The following C16orf95 variants were observed in gnomAD, a reference collection of about 807,000 sequenced individuals.
C16orf95 encodes the protein chromosome 16 open reading frame 95, also known as uncharacterized protein C16orf95.
A neutral mutation model predicts 32.1 loss-of-function variants in C16orf95; 41 were observed. The ratio of observed to expected loss-of-function variants is 1.28; its 90% confidence interval spans 1.00 to 1.66. The LOEUF (loss-of-function observed/expected upper bound fraction) is 1.66. Among genes scored for constraint, C16orf95 ranks in the 40% most tolerant of loss-of-function variants. The probability of loss-of-function intolerance (pLI) is 0.00; values close to 1 mark genes in which losing one functional copy is unlikely to be tolerated. For missense variants in C16orf95, 399 were observed against 325.9 expected (o/e 1.22, Z -1.73); for synonymous variants, 147 against 128.9 (o/e 1.14, Z -0.95).
At chr16:87,309,372 C>CTTTTTTTCTTTTTTTTTTTTTTT (rs1911172995) in intron 5 of C16orf95, among the ~76,000 whole-genome samples, 1 of 86,074 alleles carries the variant, frequency 1.2e-5, no homozygotes, top group African/African-American at 5.9e-5. Flanking sequence ...TCTTTCTTTT[C>CTTTTTTTCTTTTTTTTTTTTTTT]TTTTTTTTTT....
At chr16:87,311,355 A>T in intron 3 of C16orf95, 59 bp from the exon 4 acceptor site, 1 of 1,445,206 alleles carries the variant, frequency 6.9e-7, no homozygotes, top group Non-Finnish European at 9.2e-7. Flanking sequence ...CCTGTCCCCA[A>T]TGACTCCCTG....
Position 87,317,074 on chromosome 16 carries a change from A to C in C16orf95, c.152+17T>G, listed in dbSNP as rs1173508421. 6.6e-7 allele frequency: 1 copy of C among 1,507,162 alleles called. No homozygotes were observed. Among genetic ancestry groups the C allele is most frequent in the South Asian group, 1.2e-5 (1 of 80,524 alleles). 93.4% of individuals were successfully genotyped at this position (1,507,162 alleles called of 1,614,324 possible). On this transcript the variant is annotated intron_variant, in intron 1 of 6. Coordinates refer to ENST00000567970, the MANE Select transcript of C16orf95 (RefSeq NM_001195124.3). ...GAGGTGTCGGGTAGCCGCGGGCAGG[A>C]TTCAGGACTCACTTGCCTGCCATCC...
chr16:87,308,526 A>T (rs1309645513), intron 5 of C16orf95, among the ~76,000 whole-genome samples: 1 of 151,308 alleles, frequency 6.6e-6, no homozygotes, highest in Non-Finnish European at 1.5e-5. Flanking sequence ...AAATAAGCAG[A>T]TGTTACCATT....
At chr16:87,310,642 G>A (rs540581773) in intron 4 of C16orf95, among the ~76,000 whole-genome samples, 10 of 152,316 alleles carry the variant, frequency 6.6e-5, no homozygotes, top group South Asian at 2.1e-4. Context: ...CAGAACTAGC[G>A]CTGTGGAGGC....
At chr16:87,314,703 CTG>C (rs988405581) in intron 3 of C16orf95, among the ~76,000 whole-genome samples, 1 of 152,148 alleles carries the variant, frequency 6.6e-6, no homozygotes, top group African/African-American at 2.4e-5. Flanking sequence ...TTAGAAAAAA[CTG>C]TTTAAAAATC....
chr16:87,315,215 A>G lies in C16orf95; in HGVS notation c.205-119T>C. ...GATGGTGTCCGGGGGCAGGGTCCCCAGCTCCTACTGCAGCTTGGAAAGAGG... is the reference window on the plus strand; with the variant it reads ...GATGGTGTCCGGGGGCAGGGTCCCCGGCTCCTACTGCAGCTTGGAAAGAGG... On this transcript the variant is annotated intron_variant, in intron 2 of 6. Coordinates refer to ENST00000567970, the MANE Select transcript of C16orf95 (RefSeq NM_001195124.3). The G allele has an allele frequency of 2.8e-6, 3 of 1,056,516 alleles. No individual in the cohort carries two copies. In the South Asian group the frequency reaches 5.0e-5, roughly 17 times the overall value. The allele number at this position is 1,056,516 out of a possible 1,614,324, so 65.4% of individuals were successfully genotyped here. A position where few individuals can be genotyped will look rare whatever the true frequency, so the allele number is the denominator to read the frequency against.
chr16:87,303,167 G>T, intron 6 of C16orf95, 92 bp from the exon 7 acceptor site: 11 of 1,262,650 alleles, frequency 8.7e-6, no homozygotes, highest in Non-Finnish European at 1.2e-5. Context: ...TCCATGAGCG[G>T]AAGGCAGAGG....
rs555502765 is a variant in C16orf95, at chr16:87,314,806, C to G, written c.330+165G>C. On this transcript the variant is annotated intron_variant, in intron 3 of 6. Coordinates refer to ENST00000567970, the MANE Select transcript of C16orf95 (RefSeq NM_001195124.3). Reference sequence around the variant, plus strand: ...CCCTCAGACCTTGCTACAACGACAGCACATTACCCATCTGACATGAAAATA... The same window carrying G: ...CCCTCAGACCTTGCTACAACGACAGGACATTACCCATCTGACATGAAAATA... Among the ~76,000 whole-genome samples, 13 of 152,310 alleles carry G rather than the reference C, an allele frequency of 8.5e-5. No individual in the cohort carries two copies. In the East Asian group the frequency reaches 2.5e-3, roughly 29 times the overall value.
rs1005010643 is a variant in C16orf95 at position 87,305,821 on chromosome 16, T to C, written c.599A>G (p.Gln200Arg). 1.3e-6 allele frequency: 2 copies of C among 1,496,010 alleles called. No individual in the cohort carries two copies. Among genetic ancestry groups the C allele is most frequent in the African/African-American group, 1.4e-5 (1 of 70,604 alleles). The allele number at this position is 1,496,010 out of a possible 1,614,324, so 92.7% of individuals were successfully genotyped here. A position where few individuals can be genotyped will look rare whatever the true frequency, so the allele number is the denominator to read the frequency against. ...CGGTAGCTGGTCCTGGTAGGGGGCCTGGAGCTGCTGGAACTTGGACAACAG... is the reference window on the plus strand; with the variant it reads ...CGGTAGCTGGTCCTGGTAGGGGGCCCGGAGCTGCTGGAACTTGGACAACAG... ...ECLLSKFQQLQAPYQDQLPAP... is the reference protein window; with the variant it reads ...ECLLSKFQQLRAPYQDQLPAP... The change falls in exon 6 of 7, where the codon CAG becomes CGG. Residue 200 changes from glutamine (Q) to arginine (R), a missense_variant. Gln to Arg is a conservative substitution (Grantham distance 43). Transcript: ENST00000567970. This position sits in a 1 kb window ranked among gnomAD's most constrained non-coding sequence, Gnocchi z 4.2.
chr16:87,303,226 C>A, intron 6 of C16orf95, 151 bp from the exon 7 acceptor site: 1 of 752,234 alleles, frequency 1.3e-6, no homozygotes, highest in Non-Finnish European at 2.3e-6. Context: ...GGAAGGGGTG[C>A]AGGGATGAGG....
Position 87,309,372 on chromosome 16 carries a change from C to CTTTTTTTTTTTTTTTTTTTTTTTT in C16orf95, c.514+901_514+924dup, listed in dbSNP as rs10551847. ...TATGCATTTTCTTTTTCTTTCTTTT[C>CTTTTTTTTTTTTTTTTTTTTTTTT]TTTTTTTTTTTTTTTTTTTTTTTTT... On this transcript the variant is annotated intron_variant, in intron 5 of 6. Coordinates refer to ENST00000567970, the MANE Select transcript of C16orf95 (RefSeq NM_001195124.3). Among the ~76,000 whole-genome samples, 43 of 86,074 alleles carry CTTTTTTTTTTTTTTTTTTTTTTTT rather than the reference C, an allele frequency of 5.0e-4. 9 individuals carry two copies. The highest frequency in any genetic ancestry group is 1.5e-3 in the African/African-American group (26 of 16,864). 56.5% of individuals were successfully genotyped at this position (86,074 alleles called of 152,430 possible). A position where few individuals can be genotyped will look rare whatever the true frequency, so the allele number is the denominator to read the frequency against.
At chr16:87,303,144 C>T in intron 6 of C16orf95, 69 bp from the exon 7 acceptor site, 2 of 1,492,866 alleles carry the variant, frequency 1.3e-6, no homozygotes, top group Non-Finnish European at 1.8e-6. Flanking sequence ...TCAGCGCGTG[C>T]CCTTGGGAAA....
intron 3 of C16orf95, among the ~76,000 whole-genome samples, chr16:87,312,583 A>AAAG (rs1555545621): frequency 4.0e-5 from 6 of 150,146 alleles, no homozygotes; most frequent in African/African-American, 1.5e-4. Context: ...AAAAAAAAAA[A>AAAG]AAAGAAAGAA....
chr16:87,313,174 C>A (rs1911360132), intron 3 of C16orf95, among the ~76,000 whole-genome samples: 1 of 144,616 alleles, frequency 6.9e-6, no homozygotes, highest in Non-Finnish European at 1.5e-5. Flanking sequence ...CAAACTGATT[C>A]TAAAATTCAC....
chr16:87,304,918 C>T (rs905243866), intron 6 of C16orf95, among the ~76,000 whole-genome samples: 29 of 152,218 alleles, frequency 1.9e-4, no homozygotes, highest in African/African-American at 3.6e-4. Context: ...GAGGAGACAA[C>T]GAGCAAACAA....
chr16:87,311,370 A>G (rs1911279331), intron 3 of C16orf95, 74 bp from the exon 4 acceptor site: 3 of 1,408,408 alleles, frequency 2.1e-6, no homozygotes, highest in Admixed American at 2.2e-5. Flanking sequence ...TCCCTGATGG[A>G]GCCATCCCCC....
chr16:87,311,966 C>T (rs1352617848), intron 3 of C16orf95, among the ~76,000 whole-genome samples: 1 of 152,202 alleles, frequency 6.6e-6, no homozygotes, highest in Non-Finnish European at 1.5e-5. Flanking sequence ...AACTCTGAGA[C>T]AGGCTGTAAA....
chr16:87,307,785 A>T (rs1251496159), intron 5 of C16orf95, among the ~76,000 whole-genome samples: 1 of 152,196 alleles, frequency 6.6e-6, no homozygotes, highest in Non-Finnish European at 1.5e-5. Context: ...AAAATAAAAA[A>T]TAAAAAATAT....
In C16orf95 at chr16:87,317,308, C is replaced by A. The variant is rs540305101; in HGVS notation, c.-66G>T. The stretch of plus-strand genomic sequence containing the variant: ...GTCCGCAGGCCCTGACGCCCTGGCT[C>A]CCGCCTTTCCCTCCTGCCCCAGGAG... On this transcript the variant is annotated 5_prime_UTR_variant, in exon 1 of 7. Transcript: ENST00000567970. 8 of 1,451,704 alleles carry A rather than the reference C, an allele frequency of 5.5e-6. No homozygotes were observed. The highest frequency in any genetic ancestry group is 4.8e-5 in the Admixed American group (2 of 41,854). The allele number at this position is 1,451,704 out of a possible 1,614,324, so 89.9% of individuals were successfully genotyped here. A position where few individuals can be genotyped will look rare whatever the true frequency, so the allele number is the denominator to read the frequency against.
Sources: gnomAD v4.1 joint callset for allele counts (sites outside exome capture counted in the v4.1 genomes callset) on GRCh38, gnomAD v4.1.1 for gene constraint, Gnocchi (gnomAD v3.1) non-coding constraint, MANE v1.5 for transcripts, NCBI Gene and HGNC (gene_info 2026-07-23, HGNC 2026-07-21) for gene names.